The following CYP19A1 variants were observed in gnomAD, a reference collection of about 807,000 sequenced individuals.
CYP19A1 encodes the protein cytochrome P450 family 19 subfamily A member 1, also known as aromatase.
A neutral mutation model predicts 44.4 loss-of-function variants in CYP19A1; 32 were observed. That is an observed-to-expected ratio of 0.72 (90% CI 0.54 to 0.97). The LOEUF is 0.97. CYP19A1 is among the 50% of genes least tolerant of loss of function. The pLI is 0.00. For missense variants in CYP19A1, 598 were observed against 637.8 expected, an observed-to-expected ratio of 0.94 and a Z score of 0.67; for synonymous variants, 212 against 215.6, an observed-to-expected ratio of 0.98 and a Z score of 0.14.
At chr15:51,292,746 G>A (rs1469651725) in intron 1 of CYP19A1, among the ~76,000 whole-genome samples, 25 of 152,028 alleles carry the variant, frequency 1.6e-4, no homozygotes, top group Admixed American at 1.0e-3. Flanking sequence ...GGAGCACAGG[G>A]TAGTGGGGGT....
intron 1 of CYP19A1, among the ~76,000 whole-genome samples, chr15:51,319,630 G>T (rs1025056062): frequency 6.6e-6 from 1 of 152,186 alleles, no homozygotes; most frequent in African/African-American, 2.4e-5. Context: ...TTCATTGGCT[G>T]CAGGAATCTC....
At chr15:51,286,844 G>A (rs972595132) in intron 1 of CYP19A1, among the ~76,000 whole-genome samples, 2 of 152,232 alleles carry the variant, frequency 1.3e-5, no homozygotes, top group Non-Finnish European at 2.9e-5. Context: ...AAGTACAGGT[G>A]AGAAGTTGAC....
Position 51,220,365 on chromosome 15 carries a change from C to T in CYP19A1, c.629-1710G>A, listed in dbSNP as rs532627319. 5.9e-5 allele frequency among the ~76,000 whole-genome samples: 9 copies of T among 152,338 alleles called. No homozygotes were observed. In the South Asian group the frequency reaches 1.9e-3, roughly 32 times the overall value. On this transcript the variant is annotated intron_variant, in intron 5 of 9. Transcript: ENST00000396402. ...ATTAGATATCTATGTCTTTTCCTGT[C>T]CACATCACTCACTGGAATGTAAGCC...
rs187089359 is a variant in CYP19A1 at position 51,293,287 on chromosome 15, G to A, written c.-39+45208C>T. 1.4e-4 allele frequency among the ~76,000 whole-genome samples: 22 copies of A among 152,234 alleles called. No homozygotes were observed. In the South Asian group the frequency reaches 3.3e-3, roughly 23 times the overall value. On this transcript the variant is annotated intron_variant, in intron 1 of 9. Coordinates refer to ENST00000396402, the MANE Select transcript of CYP19A1 (RefSeq NM_000103.4). Reference sequence around the variant, plus strand: ...ATATTAATAAGTAAAAGAGTTCAATGCCTGGTAAACAATATTGCCAACTGT... The same window carrying A: ...ATATTAATAAGTAAAAGAGTTCAATACCTGGTAAACAATATTGCCAACTGT...
rs139119540 is a variant in CYP19A1, at chr15:51,305,600, G to A, written c.-39+32895C>T. On this transcript the variant is annotated intron_variant, in intron 1 of 9. Transcript: ENST00000396402. ...TTTTGAGACAGAGTCTCACTCTGTC[G>A]CCCAGGATGGAGTGCAATGGTGCAA... is the stretch of plus-strand genomic sequence containing the variant. Among the ~76,000 whole-genome samples, 121 of 152,132 alleles carry A rather than the reference G, an allele frequency of 8.0e-4. 1 individual carries two copies. The highest frequency in any genetic ancestry group is 2.6e-3 in the African/African-American group (108 of 41,498).
chr15:51,217,967 T>G (rs2031731181), intron 6 of CYP19A1, among the ~76,000 whole-genome samples: 1 of 152,158 alleles, frequency 6.6e-6, no homozygotes, highest in East Asian at 1.9e-4. Context: ...TTGTCCAGTT[T>G]TCTGCTGGAT....
intron 1 of CYP19A1, among the ~76,000 whole-genome samples, chr15:51,282,637 C>A (rs1020653979): frequency 6.6e-6 from 1 of 152,236 alleles, no homozygotes; most frequent in Admixed American, 6.5e-5. Flanking sequence ...TCCTTTGACT[C>A]TGCCAGACTT....
chr15:51,225,106 G>C (rs1299069691), intron 4 of CYP19A1, among the ~76,000 whole-genome samples: 6 of 152,096 alleles, frequency 3.9e-5, no homozygotes, highest in Non-Finnish European at 8.8e-5. Context: ...CATCACCTAG[G>C]GTAGTATTTG....
At chr15:51,282,103 T>TGA (rs951063148) in intron 1 of CYP19A1, among the ~76,000 whole-genome samples, 102 of 151,798 alleles carry the variant, frequency 6.7e-4, no homozygotes, top group African/African-American at 2.4e-3. Flanking sequence ...TGAGAAGAAC[T>TGA]GAGACAGAGA....
At chr15:51,312,541 T>C (rs1014447533) in intron 1 of CYP19A1, 1 of 152,298 alleles carries the variant, frequency 6.6e-6, no homozygotes, top group African/African-American at 2.4e-5. Context: ...TTGTCCTCTT[T>C]CCCATCACCA....
chr15:51,302,738 A>G (rs907098283), intron 1 of CYP19A1, among the ~76,000 whole-genome samples: 6 of 151,800 alleles, frequency 4.0e-5, no homozygotes, highest in Admixed American at 3.9e-4. Flanking sequence ...CTCAAACGCG[A>G]CCTCCTCTGG....
At chr15:51,250,329 G>A (rs535043919) in intron 1 of CYP19A1, among the ~76,000 whole-genome samples, 1 of 152,330 alleles carries the variant, frequency 6.6e-6, no homozygotes, top group East Asian at 1.9e-4. Context: ...TCCCCAGGAG[G>A]TGCTCCATGT....
At position 51,328,683 on chromosome 15, in the gene CYP19A1, C is replaced by T. The variant is rs539240143; in HGVS notation, c.-39+9812G>A. ...TGTGATGGTTAATTTTATGTGTCAA[C>T]TTGACTGGGTCATAGGGTGCCCAGA... On this transcript the variant is annotated intron_variant, in intron 1 of 9. Coordinates refer to ENST00000396402, the MANE Select transcript of CYP19A1 (RefSeq NM_000103.4). Among the ~76,000 whole-genome samples the T allele has an allele frequency of 1.3e-4, 20 of 152,126 alleles. No individual in the cohort carries two copies. The South Asian group carries it at 4.2e-3, about 32-fold the overall frequency.
intron 1 of CYP19A1, among the ~76,000 whole-genome samples, chr15:51,298,192 G>T (rs1376978907): frequency 2.6e-5 from 4 of 152,128 alleles, no homozygotes; most frequent in Non-Finnish European, 5.9e-5. Flanking sequence ...AAAACCAAAT[G>T]GTCCTTCCTT....
intron 1 of CYP19A1, among the ~76,000 whole-genome samples, chr15:51,295,656 GA>G (rs534208345): frequency 1.9e-4 from 29 of 152,188 alleles, no homozygotes; most frequent in Non-Finnish European, 3.5e-4. Flanking sequence ...GAATATAATG[GA>G]AAAACCAAGT....
chr15:51,255,257 AG>A (rs2141151573), intron 1 of CYP19A1, among the ~76,000 whole-genome samples: 1 of 152,306 alleles, frequency 6.6e-6, no homozygotes, highest in South Asian at 2.1e-4. Context: ...ATTTGTTCTA[AG>A]GGTCTCTGGA....
intron 4 of CYP19A1, among the ~76,000 whole-genome samples, chr15:51,226,015 G>T (rs1342974461): frequency 6.7e-6 from 1 of 148,530 alleles, no homozygotes; most frequent in African/African-American, 2.5e-5. Flanking sequence ...TGTGAACCTG[G>T]GAGGTGGAGC....
intron 1 of CYP19A1, among the ~76,000 whole-genome samples, chr15:51,290,056 C>A: frequency 6.6e-6 from 1 of 152,192 alleles, no homozygotes. Context: ...GTGGTCTCCC[C>A]TGGGGTCACA....
rs892439263 is a variant in CYP19A1, at chr15:51,218,755, C to T, written c.629-100G>A. ...GCAGAAAACATTCCCTGCAGATTCT[C>T]CTAACAGTCTGGGGGTTCTAAGCTC... On this transcript the variant is annotated intron_variant, in intron 5 of 9. Transcript: ENST00000396402. 11 of 1,530,946 alleles carry T rather than the reference C, an allele frequency of 7.2e-6. No individual in the cohort carries two copies. The African/African-American group carries it at 1.4e-4, about 19-fold the overall frequency. The allele number at this position is 1,530,946 out of a possible 1,614,324, so 94.8% of individuals were successfully genotyped here. A position where few individuals can be genotyped will look rare whatever the true frequency, so the allele number is the denominator to read the frequency against.
Sources: allele counts gnomAD v4.1 joint callset (sites outside exome capture counted in the v4.1 genomes callset), GRCh38; gene constraint gnomAD v4.1.1; transcripts MANE v1.5; gene names NCBI Gene and HGNC (gene_info 2026-07-23, HGNC 2026-07-21).